Variants in EPN2 observed in about 807,000 individuals in gnomAD.
EPN2 encodes the protein epsin-2.
In EPN2, 34 loss-of-function variants were observed where a neutral mutation model predicts 61.7. The ratio of observed to expected loss-of-function variants is 0.55; its 90% CI spans 0.42 to 0.73. The LOEUF is 0.73. Among genes scored for constraint, EPN2 ranks in the 30% least tolerant of loss-of-function variants. The pLI, the probability that EPN2 is intolerant of heterozygous loss-of-function variation, is 0.00. For missense variants in EPN2, 714 were observed against 839.2 expected (o/e 0.85, Z 1.84); for synonymous variants, 349 against 353.6 (o/e 0.99, Z 0.15).
chr17:19,322,985 A>G (rs1906711806), intron 7 of EPN2, among the ~76,000 whole-genome samples: 1 of 152,160 alleles, frequency 6.6e-6, no homozygotes, highest in Non-Finnish European at 1.5e-5. Flanking sequence ...GTTGTCTCGG[A>G]GGCTCAGGGG....
intron 1 of EPN2, among the ~76,000 whole-genome samples, chr17:19,277,846 G>A (rs2045322873): frequency 6.6e-6 from 1 of 152,190 alleles, no homozygotes; most frequent in South Asian, 2.1e-4. Context: ...GCCAGGGTGG[G>A]CGGATCACGA....
chr17:19,237,843 G>C (rs1160525535), intron 1 of EPN2, among the ~76,000 whole-genome samples: 2 of 152,068 alleles, frequency 1.3e-5, no homozygotes, highest in African/African-American at 4.8e-5. Context: ...AGAGTCCAGG[G>C]CGCCCCTTAC....
At chr17:19,267,905 T>G (rs80169837) in intron 1 of EPN2, among the ~76,000 whole-genome samples, 1,619 of 152,228 alleles carry the variant, frequency 0.011, 26 homozygotes, top group East Asian at 0.048. Flanking sequence ...ACATAGTGGG[T>G]GCTCTGTAAG....
intron 1 of EPN2, among the ~76,000 whole-genome samples, chr17:19,269,316 A>C (rs952947398): frequency 6.6e-6 from 1 of 152,176 alleles, no homozygotes; most frequent in African/African-American, 2.4e-5. Context: ...GGAAAGAGGG[A>C]AGTAATATTT....
chr17:19,317,901 T>G (rs1906463203), intron 7 of EPN2, among the ~76,000 whole-genome samples: 1 of 152,156 alleles, frequency 6.6e-6, no homozygotes, highest in African/African-American at 2.4e-5. Flanking sequence ...TTTGTGACTT[T>G]GTCTCCAAGT....
chr17:19,303,238 A>G (rs1403816695), intron 4 of EPN2, among the ~76,000 whole-genome samples: 3 of 152,188 alleles, frequency 2.0e-5, no homozygotes, highest in Admixed American at 2.0e-4. Context: ...AGCCACTGTC[A>G]CACACACAGT....
At chr17:19,310,571 CTTTTTTTTTTTTTT>C (rs71155391) in intron 5 of EPN2, among the ~76,000 whole-genome samples, 2 of 80,912 alleles carry the variant, frequency 2.5e-5, no homozygotes, top group East Asian at 4.6e-4. Flanking sequence ...CTCCTTCTTT[CTTTTTTTTTTTTTT>C]TTTTTTTTTT....
At chr17:19,320,994 C>T (rs553826985) in intron 7 of EPN2, among the ~76,000 whole-genome samples, 4 of 152,224 alleles carry the variant, frequency 2.6e-5, no homozygotes, top group South Asian at 2.1e-4. Context: ...CAGACCCAGC[C>T]GATGTTCTCA....
In EPN2 at chr17:19,335,306, C is replaced by A. The variant is rs1907354019; in HGVS notation, c.*1052C>A. 7.9e-7 allele frequency: 1 copy of A among 1,262,924 alleles called. No individual in the cohort carries two copies. Among genetic ancestry groups the A allele is most frequent in the Non-Finnish European group, 1.1e-6 (1 of 922,914 alleles). 78.2% of individuals were successfully genotyped at this position (1,262,924 alleles called of 1,614,324 possible). On this transcript the variant is annotated 3_prime_UTR_variant, in exon 11 of 11. Coordinates refer to ENST00000314728, the MANE Select transcript of EPN2 (RefSeq NM_014964.5). ...GGCTAGATCCTGAGAGGCTATTTTT[C>A]TTACGAATATACCAACATCCTGAAA...
intron 1 of EPN2, among the ~76,000 whole-genome samples, chr17:19,249,951 C>T (rs1287581180): frequency 1.3e-5 from 2 of 151,678 alleles, no homozygotes; most frequent in Non-Finnish European, 2.9e-5. Flanking sequence ...AAGCCAGCTG[C>T]GGTTTTCCAC....
At chr17:19,295,744 A>G (rs2152223652) in intron 4 of EPN2, among the ~76,000 whole-genome samples, 1 of 152,122 alleles carries the variant, frequency 6.6e-6, no homozygotes, top group East Asian at 1.9e-4. Context: ...AAGCTTTTAA[A>G]TCTCCCAAAA....
At chr17:19,269,175 C>T (rs1000943942) in intron 1 of EPN2, among the ~76,000 whole-genome samples, 7 of 152,114 alleles carry the variant, frequency 4.6e-5, no homozygotes, top group African/African-American at 1.7e-4. Flanking sequence ...AACAAGAAAA[C>T]ATTAGGGCTG....
chr17:19,254,428 C>G (rs968062029), intron 1 of EPN2, among the ~76,000 whole-genome samples: 20 of 151,982 alleles, frequency 1.3e-4, no homozygotes, highest in Admixed American at 1.2e-3. Context: ...GTAATCTCAG[C>G]TACTCGGGAG....
chr17:19,328,073 T>C (rs1318129919), intron 7 of EPN2, among the ~76,000 whole-genome samples: 3 of 152,220 alleles, frequency 2.0e-5, no homozygotes, highest in Non-Finnish European at 4.4e-5. Flanking sequence ...AAAATTTTTT[T>C]CTCTGTTTTT....
At chr17:19,317,722 G>A (rs979022437) in intron 7 of EPN2, among the ~76,000 whole-genome samples, 5 of 152,130 alleles carry the variant, frequency 3.3e-5, no homozygotes, top group Non-Finnish European at 7.3e-5. Context: ...TTATTGATTG[G>A]GTATGTGGCA....
intron 1 of EPN2, among the ~76,000 whole-genome samples, chr17:19,269,464 A>G (rs1404093502): frequency 6.6e-6 from 1 of 152,244 alleles, no homozygotes; most frequent in South Asian, 2.1e-4. Context: ...TGACTGATTT[A>G]GTAGAAGACA....
chr17:19,279,630 G>A (rs1316714468), intron 1 of EPN2, among the ~76,000 whole-genome samples: 1 of 151,666 alleles, frequency 6.6e-6, no homozygotes, highest in Non-Finnish European at 1.5e-5. Context: ...AGTAGAGACG[G>A]GGTTTCACCA....
In EPN2 at chr17:19,283,531, G is replaced by A; in HGVS notation, c.412G>A (p.Glu138Lys). The A allele has an allele frequency of 6.2e-7, 1 of 1,614,254 alleles. No homozygotes were observed. The highest frequency in any genetic ancestry group is 8.5e-7 in the Non-Finnish European group (1 of 1,180,056). Residue 138 changes from glutamate to lysine, a missense_variant, in exon 3 of 11, where the codon GAA becomes AAA. Around this residue, in one of 2 missense-constraint regions of EPN2, gnomAD observed 304 missense variants for 417.4 expected, o/e 0.73. Transcript: ENST00000314728. The surrounding 1 kb of genome is among the most constrained non-coding windows in gnomAD (Gnocchi z 7.0). ...KQLVALLKDE[E>K]RLKAERAQAL... ...ACTGGTGGCTCTCCTCAAGGACGAG[G>A]AACGGTTGAAGGCTGAGAGGGCCCA...
At position 19,332,102 on chromosome 17, in the gene EPN2, G is replaced by C. The variant is rs752123160; in HGVS notation, c.1627+34G>C. 1.5e-5 allele frequency: 23 copies of C among 1,538,750 alleles called. No homozygotes were observed. The East Asian group carries it at 5.2e-4, about 35-fold the overall frequency. Reference sequence around the variant, plus strand: ...TCATCCCAGGCTTCATCCATTGCCTGCTGTGCCTGGGAATGGGTGTGCAGC... The same window carrying C: ...TCATCCCAGGCTTCATCCATTGCCTCCTGTGCCTGGGAATGGGTGTGCAGC... On this transcript the variant is annotated intron_variant, in intron 10 of 10. Transcript: ENST00000314728.
Sources: allele counts gnomAD v4.1 joint callset (sites outside exome capture counted in the v4.1 genomes callset), GRCh38; gene constraint gnomAD v4.1.1; regional missense constraint gnomAD v4.1.1; non-coding constraint Gnocchi (gnomAD v3.1); transcripts MANE v1.5; gene names NCBI Gene and HGNC (gene_info 2026-07-23, HGNC 2026-07-21).